Variants in ATP6V1H observed in about 807,000 individuals in gnomAD.
ATP6V1H encodes ATPase H+ transporting V1 subunit H.
A neutral mutation model predicts 71.7 loss-of-function variants in ATP6V1H; 39 were observed. The observed-to-expected ratio is 0.54, with a 90% CI of 0.42 to 0.71. The LOEUF is 0.71. Among genes scored for constraint, ATP6V1H ranks in the 30% least tolerant of loss-of-function variants. The pLI is 0.00. For synonymous variants in ATP6V1H, 192 were observed against 199.3 expected, an observed-to-expected ratio of 0.96 and a Z score of 0.31; for missense variants, 509 against 594.9, an observed-to-expected ratio of 0.86 and a Z score of 1.50.
chr8:53,772,124 T>C lies in ATP6V1H; in HGVS notation c.914A>G (p.Tyr305Cys), dbSNP rs1205430539. 1.9e-6 allele frequency: 3 copies of C among 1,613,736 alleles called. No individual in the cohort carries two copies. The highest frequency in any genetic ancestry group is 2.5e-6 in the Non-Finnish European group (3 of 1,179,934). The change falls in exon 10 of 14, where the codon TAT becomes TGT. Residue 305 changes from tyrosine (Y) to cysteine (C), a missense_variant. Tyr to Cys is a radical substitution (Grantham distance 194, BLOSUM62 -2). Around this residue, in one of 2 missense-constraint regions of ATP6V1H, gnomAD observed 212 missense variants for 291.6 expected, o/e 0.73. Transcript: ENST00000359530. Reference protein sequence around the residue: ...KSTERETRQEYALAMIQCKVL... With the variant: ...KSTERETRQECALAMIQCKVL... ...TTTGCACTGAATCATAGCCAGGGCA[T>C]ATTCTTGGCGAGTTTCTCTTTCAGT...
rs2130482146 is a variant in ATP6V1H at position 53,817,550 on chromosome 8, A to G, written c.307-20T>C. 3.3e-6 allele frequency: 5 copies of G among 1,496,168 alleles called. No individual in the cohort carries two copies. Among genetic ancestry groups the G allele is most frequent in the East Asian group, 2.3e-5 (1 of 43,958 alleles). The allele number at this position is 1,496,168 out of a possible 1,614,324, so 92.7% of individuals were successfully genotyped here. On this transcript the variant is annotated intron_variant, in intron 4 of 13. Transcript: ENST00000359530. ...ATTTTCCTAAAAAAGAAAAGAAATG[A>G]TATCACCAGTCAGAACACATTTTGC... is the stretch of plus-strand genomic sequence containing the variant.
rs867672035 is a variant in ATP6V1H, at chr8:53,718,282, C to T, written c.1392-2258G>A. Among the ~76,000 whole-genome samples, 18 of 152,112 alleles carry T rather than the reference C, an allele frequency of 1.2e-4. 1 individual carries two copies. The highest frequency in any genetic ancestry group is 5.9e-4 in the Admixed American group (9 of 15,262). On this transcript the variant is annotated intron_variant, in intron 13 of 13. Coordinates refer to ENST00000359530, the MANE Select transcript of ATP6V1H (RefSeq NM_015941.4). ...ACAGGTGCGCTGTTCCAGCAGAGAACGTAAAGACACATGCAGCCACAGCTT... is the reference window on the plus strand; with the variant it reads ...ACAGGTGCGCTGTTCCAGCAGAGAATGTAAAGACACATGCAGCCACAGCTT...
intron 13 of ATP6V1H, among the ~76,000 whole-genome samples, chr8:53,742,849 A>C (rs1200343223): frequency 6.6e-6 from 1 of 152,188 alleles, no homozygotes; most frequent in African/African-American, 2.4e-5. Context: ...ATGCCTTAAC[A>C]AAAAAACAGA....
intron 9 of ATP6V1H, among the ~76,000 whole-genome samples, chr8:53,792,766 TTAAA>T (rs1809608332): frequency 6.6e-6 from 1 of 152,204 alleles, no homozygotes; most frequent in Non-Finnish European, 1.5e-5. Context: ...ATCATGAAGC[TTAAA>T]TAAGGCAATG....
intron 1 of ATP6V1H, among the ~76,000 whole-genome samples, chr8:53,842,006 G>A (rs982552714): frequency 3.9e-5 from 6 of 152,180 alleles, no homozygotes; most frequent in African/African-American, 9.6e-5. Context: ...ACTGAAATCA[G>A]AAATCATGAT....
intron 11 of ATP6V1H, among the ~76,000 whole-genome samples, chr8:53,764,774 A>T (rs565671919): frequency 1.3e-5 from 2 of 152,228 alleles, no homozygotes; most frequent in Non-Finnish European, 2.9e-5. Flanking sequence ...CCCATACACT[A>T]TCTCTGAACA....
Position 53,782,784 on chromosome 8 carries a change from C to T in ATP6V1H, c.871-10617G>A, listed in dbSNP as rs931835107. Among the ~76,000 whole-genome samples, 347 of 152,286 alleles carry T rather than the reference C, an allele frequency of 2.3e-3. 1 individual carries two copies. Among genetic ancestry groups the T allele is most frequent in the African/African-American group, 7.2e-3 (299 of 41,564 alleles). ...TGAATTTTGTCAAAGGCCTTTTCTG[C>T]ATCTATTGAGATAATCATGTGGTTT... On this transcript the variant is annotated intron_variant, in intron 9 of 13. Coordinates refer to ENST00000359530, the MANE Select transcript of ATP6V1H (RefSeq NM_015941.4).
At chr8:53,756,069 C>CTTTTTTTTTT (rs199967847) in intron 12 of ATP6V1H, among the ~76,000 whole-genome samples, 8 of 96,544 alleles carry the variant, frequency 8.3e-5, no homozygotes, top group East Asian at 3.3e-4. Context: ...TTTTTCTTTT[C>CTTTTTTTTTT]TTTTTTTTTT....
chr8:53,723,438 C>T (rs558656031), intron 13 of ATP6V1H, among the ~76,000 whole-genome samples: 54 of 152,168 alleles, frequency 3.5e-4, no homozygotes, highest in Middle Eastern at 3.2e-3. Context: ...ATCCAGTACC[C>T]TCCCCACAAC....
At chr8:53,769,561 T>C in intron 11 of ATP6V1H, 57 bp downstream of exon 11, 1 of 1,504,930 alleles carries the variant, frequency 6.6e-7, no homozygotes, top group Non-Finnish European at 9.0e-7. Context: ...AAAACGAGTG[T>C]TGGTGAGGAT....
At chr8:53,740,042 G>A (rs1290032505) in intron 13 of ATP6V1H, among the ~76,000 whole-genome samples, 7 of 152,154 alleles carry the variant, frequency 4.6e-5, no homozygotes, top group African/African-American at 1.4e-4. Flanking sequence ...ACAATTCAAG[G>A]ATACAGTTTT....
At chr8:53,749,187 C>G (rs913609164) in intron 12 of ATP6V1H, among the ~76,000 whole-genome samples, 6 of 152,142 alleles carry the variant, frequency 3.9e-5, no homozygotes, top group Non-Finnish European at 8.8e-5. Flanking sequence ...CCTGTGGGAG[C>G]ACAGAAAATT....
At chr8:53,795,963 C>T in intron 8 of ATP6V1H, 124 bp from the exon 9 acceptor site, 1 of 831,688 alleles carries the variant, frequency 1.2e-6, no homozygotes, top group Non-Finnish European at 1.8e-6. Flanking sequence ...TCTTTTCTGC[C>T]AGCAATAACA....
chr8:53,798,470 G>A (rs563772169), intron 8 of ATP6V1H, among the ~76,000 whole-genome samples: 94 of 152,068 alleles, frequency 6.2e-4, no homozygotes, highest in African/African-American at 2.1e-3. Flanking sequence ...GCAGTGAGCT[G>A]AGATTGCACC....
chr8:53,836,848 A>C (rs767833944), intron 2 of ATP6V1H, among the ~76,000 whole-genome samples: 19 of 152,204 alleles, frequency 1.2e-4, no homozygotes, highest in Non-Finnish European at 2.1e-4. Flanking sequence ...TTTAAAAGAG[A>C]ATAGGATAGA....
intron 9 of ATP6V1H, among the ~76,000 whole-genome samples, chr8:53,782,406 T>C (rs1809182392): frequency 6.6e-6 from 1 of 152,084 alleles, no homozygotes; most frequent in Non-Finnish European, 1.5e-5. Context: ...CCTGAGACTT[T>C]GCTGAAGTTG....
In ATP6V1H at chr8:53,843,029, C is replaced by T. The variant is rs923719284; in HGVS notation, c.-36+5G>A. ...TGAGACCAAACAACGCGAGGGCGGC[C>T]TTACCTCGCGAATCCTCGGGACCCC... On this transcript the variant is annotated splice_donor_5th_base_variant and intron_variant, in intron 1 of 13. Coordinates refer to ENST00000359530, the MANE Select transcript of ATP6V1H (RefSeq NM_015941.4). The T allele has an allele frequency of 1.3e-5, 2 of 152,292 alleles. No individual in the cohort carries two copies. Among genetic ancestry groups the T allele is most frequent in the African/African-American group, 4.8e-5 (2 of 41,466 alleles). The allele number at this position is 152,292 out of a possible 1,614,324, so 9.4% of individuals were successfully genotyped here.
chr8:53,814,108 G>A (rs1383275980), intron 6 of ATP6V1H, among the ~76,000 whole-genome samples: 1 of 152,162 alleles, frequency 6.6e-6, no homozygotes, highest in Non-Finnish European at 1.5e-5. Flanking sequence ...GTTTATTAGT[G>A]TAATCGGTTA....
At chr8:53,728,779 C>G (rs987754412) in intron 13 of ATP6V1H, among the ~76,000 whole-genome samples, 16 of 152,194 alleles carry the variant, frequency 1.1e-4, no homozygotes, top group African/African-American at 3.9e-4. Flanking sequence ...CGCCTGCCTC[C>G]AGGAAGACAG....
Sources: allele counts gnomAD v4.1 joint callset (sites outside exome capture counted in the v4.1 genomes callset), GRCh38; gene constraint gnomAD v4.1.1; regional missense constraint gnomAD v4.1.1; transcripts MANE v1.5; gene names NCBI Gene and HGNC (gene_info 2026-07-23, HGNC 2026-07-21).